FAM167A: variants seen among roughly 807,000 people sequenced by gnomAD.
FAM167A encodes family with sequence similarity 167 member A, also known as protein FAM167A.
FAM167A carries 23 observed loss-of-function variants against 14.9 expected under a neutral mutation model. The ratio of observed to expected loss-of-function variants is 1.55; its 90% CI spans 1.11 to 2.19. The LOEUF is 2.19. FAM167A is among the 30% of genes most tolerant of loss of function. The pLI is 0.00. For missense variants in FAM167A, 401 were observed against 281.5 expected (o/e 1.42, Z -3.04); for synonymous variants, 174 against 117.7 (o/e 1.48, Z -3.10).
At chr8:11,430,041 A>G (rs56138616) in intron 2 of FAM167A, among the ~76,000 whole-genome samples, 20,437 of 152,220 alleles carry the variant, frequency 0.13, 1,923 homozygotes, top group Non-Finnish European at 0.21. Flanking sequence ...CCCTCATTAA[A>G]AGCCTGAAAA....
chr8:11,457,148 G>T (rs926121108), intron 1 of FAM167A, among the ~76,000 whole-genome samples: 5 of 150,812 alleles, frequency 3.3e-5, no homozygotes, highest in African/African-American at 1.2e-4. Context: ...TAGGGGTGTG[G>T]GTGGGATCAG....
At chr8:11,436,091 C>T (rs190638116) in intron 2 of FAM167A, among the ~76,000 whole-genome samples, 51 of 152,342 alleles carry the variant, frequency 3.3e-4, no homozygotes, top group Non-Finnish European at 4.9e-4. Context: ...GCTCCCTTAT[C>T]GCTGACAACT....
At chr8:11,433,141 A>T (rs1805731502) in intron 2 of FAM167A, among the ~76,000 whole-genome samples, 1 of 152,128 alleles carries the variant, frequency 6.6e-6, no homozygotes, top group Admixed American at 6.5e-5. Flanking sequence ...CCACCATGGC[A>T]TGTGTATACC....
intron 1 of FAM167A, among the ~76,000 whole-genome samples, chr8:11,475,741 A>C (rs1271024374): frequency 6.6e-6 from 1 of 152,074 alleles, no homozygotes; most frequent in African/African-American, 2.4e-5. Context: ...AGATTCTCTA[A>C]TCTTTCCCTA....
intron 2 of FAM167A, among the ~76,000 whole-genome samples, chr8:11,440,506 T>C (rs1343618113): frequency 6.6e-6 from 1 of 152,190 alleles, no homozygotes; most frequent in Non-Finnish European, 1.5e-5. Context: ...TAGCTGGTCT[T>C]GCAGGAGGCG....
chr8:11,436,329 T>C (rs1160258700), intron 2 of FAM167A, among the ~76,000 whole-genome samples: 1 of 152,154 alleles, frequency 6.6e-6, no homozygotes, highest in East Asian at 1.9e-4. Context: ...GCCACTCCCC[T>C]GGAGAGCAAG....
At position 11,421,501 on chromosome 8, in the gene FAM167A, T is replaced by A. The variant is rs1804721671; in HGVS notation, c.*2872A>T. On this transcript the variant is annotated 3_prime_UTR_variant, in exon 3 of 3. Transcript: ENST00000284486. ...TTTTATTTTTATATGGATATCTTCT[T>A]TTGAAGTATTTTTATTTCACTTTTT... is the stretch of plus-strand genomic sequence containing the variant. 1 of 373,990 alleles carries A rather than the reference T, an allele frequency of 2.7e-6. No individual in the cohort carries two copies. The highest frequency in any genetic ancestry group is 4.7e-6 in the Non-Finnish European group (1 of 211,000). 23.2% of individuals were successfully genotyped at this position (373,990 alleles called of 1,614,324 possible). A position where few individuals can be genotyped will look rare whatever the true frequency, so the allele number is the denominator to read the frequency against.
chr8:11,463,724 G>A (rs368087099), intron 1 of FAM167A, among the ~76,000 whole-genome samples: 9 of 152,154 alleles, frequency 5.9e-5, no homozygotes, highest in Non-Finnish European at 1.0e-4. Flanking sequence ...GGGAACTTCC[G>A]GCCACACTGA....
At chr8:11,469,991 C>T (rs368606305), upstream of FAM167A, among the ~76,000 whole-genome samples, 14 of 152,156 alleles carry the variant, frequency 9.2e-5, no homozygotes, top group East Asian at 5.8e-4. Flanking sequence ...TCAATAAATA[C>T]GTATTAGTAC....
At chr8:11,437,582 T>A (rs1278124003) in intron 2 of FAM167A, among the ~76,000 whole-genome samples, 1 of 152,178 alleles carries the variant, frequency 6.6e-6, no homozygotes, top group African/African-American at 2.4e-5. Flanking sequence ...TCTTGACCAG[T>A]TAATGAGCCA....
At chr8:11,429,181 T>C (rs1805396439) in intron 2 of FAM167A, among the ~76,000 whole-genome samples, 1 of 152,192 alleles carries the variant, frequency 6.6e-6, no homozygotes, top group Non-Finnish European at 1.5e-5. Flanking sequence ...ATGACTACTC[T>C]AAGAACCTCA....
At chr8:11,437,992 T>C (rs761947466) in intron 2 of FAM167A, 3 of 338,570 alleles carry the variant, frequency 8.9e-6, no homozygotes, top group East Asian at 1.7e-4. Context: ...ATTATAACTT[T>C]TGTCACACCA....
At chr8:11,432,049 T>A (rs1805641428) in intron 2 of FAM167A, among the ~76,000 whole-genome samples, 2 of 152,124 alleles carry the variant, frequency 1.3e-5, no homozygotes, top group African/African-American at 4.8e-5. Flanking sequence ...AGCATTTTTG[T>A]GGAATTTGCA....
intron 1 of FAM167A, among the ~76,000 whole-genome samples, chr8:11,450,424 G>C (rs1361696928): frequency 6.6e-6 from 1 of 152,312 alleles, no homozygotes; most frequent in South Asian, 2.1e-4. Flanking sequence ...CCATTTTACA[G>C]ATGAAGAGAC....
At position 11,456,214 on chromosome 8, in the gene FAM167A, TGA is replaced by T. The variant is rs1395690380; in HGVS notation, c.-398+10410_-398+10411del. 9.5e-5 allele frequency among the ~76,000 whole-genome samples: 9 copies of T among 94,660 alleles called. 1 individual carries two copies. Among genetic ancestry groups the T allele is most frequent in the Admixed American group, 1.0e-4 (1 of 9,594 alleles). The allele number at this position is 94,660 out of a possible 152,430, so 62.1% of individuals were successfully genotyped here. A position where few individuals can be genotyped will look rare whatever the true frequency, so the allele number is the denominator to read the frequency against. On this transcript the variant is annotated intron_variant, in intron 1 of 2. Transcript: ENST00000284486. The stretch of plus-strand genomic sequence containing the variant: ...TGTGGGGGGTGGTTGCCTTGCTGTG[TGA>T]GTGTGAGTGAGTGTGGGGGGTGGTT...
intron 2 of FAM167A, chr8:11,438,674 C>G (rs1806221778): frequency 1.0e-5 from 4 of 381,422 alleles, no homozygotes. Flanking sequence ...TTTCCTGGTT[C>G]TTTTGTTTAT....
intron 1 of FAM167A, among the ~76,000 whole-genome samples, chr8:11,448,951 G>A (rs4840561): frequency 0.86 from 131,142 of 152,170 alleles, 56,932 homozygotes; most frequent in African/African-American, 0.95. Context: ...TCTTTAAACT[G>A]TAAAGAGCTG....
chr8:11,441,651 C>G (rs1806445407), intron 2 of FAM167A, among the ~76,000 whole-genome samples: 1 of 152,300 alleles, frequency 6.6e-6, no homozygotes, highest in East Asian at 1.9e-4. Flanking sequence ...GAGTTCCAGC[C>G]CCGGCTCTGT....
chr8:11,459,938 G>A (rs750454605), intron 1 of FAM167A, among the ~76,000 whole-genome samples: 1 of 152,220 alleles, frequency 6.6e-6, no homozygotes, highest in Non-Finnish European at 1.5e-5. Flanking sequence ...ATATTGGCCA[G>A]GCTGGTCTTG....
Sources: allele counts gnomAD v4.1 joint callset (sites outside exome capture counted in the v4.1 genomes callset), GRCh38; gene constraint gnomAD v4.1.1; transcripts MANE v1.5; gene names NCBI Gene and HGNC (gene_info 2026-07-23, HGNC 2026-07-21).